CYTH3: variants seen among roughly 807,000 people sequenced by gnomAD.
CYTH3 encodes cytohesin 3, also known as cytohesin-3.
CYTH3 carries 23 observed loss-of-function variants against 55.1 expected under a neutral mutation model. That is an observed-to-expected ratio of 0.42 (90% CI 0.30 to 0.59). The LOEUF (loss-of-function observed/expected upper bound fraction) is 0.59. CYTH3 is among the 20% of genes least tolerant of loss of function. The pLI is 0.20. For missense variants in CYTH3, 413 were observed against 524.8 expected, an observed-to-expected ratio of 0.79 and a Z score of 2.08; for synonymous variants, 249 against 194.9, an observed-to-expected ratio of 1.28 and a Z score of -2.31.
chr7:6,191,123 G>C (rs1285672510), intron 1 of CYTH3, among the ~76,000 whole-genome samples: 1 of 150,574 alleles, frequency 6.6e-6, no homozygotes, highest in Non-Finnish European at 1.5e-5. Flanking sequence ...TATCAATATG[G>C]ATGAGTCTCA....
intron 1 of CYTH3, among the ~76,000 whole-genome samples, chr7:6,263,201 A>T (rs1465837492): frequency 6.6e-6 from 1 of 152,184 alleles, no homozygotes; most frequent in Non-Finnish European, 1.5e-5. Context: ...TAAAATATAT[A>T]TTTTGTCACT....
chr7:6,248,658 GC>G (rs367679137), intron 1 of CYTH3, among the ~76,000 whole-genome samples: 10 of 152,302 alleles, frequency 6.6e-5, no homozygotes, highest in South Asian at 2.1e-4. Flanking sequence ...CACCCCGGCT[GC>G]CCGTGGCCAC....
intron 1 of CYTH3, among the ~76,000 whole-genome samples, chr7:6,259,554 C>T (rs1780223762): frequency 6.7e-6 from 1 of 149,910 alleles, no homozygotes. Flanking sequence ...TGTATTGGCT[C>T]CAGCCAAATT....
intron 1 of CYTH3, among the ~76,000 whole-genome samples, chr7:6,217,190 G>A (rs769432663): frequency 4.6e-5 from 7 of 152,114 alleles, no homozygotes; most frequent in East Asian, 3.9e-4. Context: ...CCAAGATTAC[G>A]GGCATGAACC....
chr7:6,256,635 TAG>T (rs1780132304), intron 1 of CYTH3, among the ~76,000 whole-genome samples: 1 of 152,122 alleles, frequency 6.6e-6, no homozygotes, highest in South Asian at 2.1e-4. Flanking sequence ...GGGAAGGTAA[TAG>T]AGACTTAAAT....
At chr7:6,255,368 A>G (rs1780071269) in intron 1 of CYTH3, among the ~76,000 whole-genome samples, 1 of 152,248 alleles carries the variant, frequency 6.6e-6, no homozygotes, top group African/African-American at 2.4e-5. Flanking sequence ...ATTACCCGAA[A>G]TATCCTCAAT....
chr7:6,251,377 AGG>A (rs1259015115), intron 1 of CYTH3, among the ~76,000 whole-genome samples: 1 of 148,598 alleles, frequency 6.7e-6, no homozygotes, highest in Non-Finnish European at 1.5e-5. Context: ...GGAGAGAAGG[AGG>A]GGAGACATGT....
intron 4 of CYTH3, among the ~76,000 whole-genome samples, chr7:6,179,067 T>C (rs1783413372): frequency 6.6e-6 from 1 of 152,162 alleles, no homozygotes. Context: ...TCACGGTCCA[T>C]CCAGAAATTT....
At chr7:6,259,800 T>TATATA (rs59014238) in intron 1 of CYTH3, among the ~76,000 whole-genome samples, 5 of 25,496 alleles carry the variant, frequency 2.0e-4, no homozygotes, top group African/African-American at 1.4e-3. Flanking sequence ...TATATATATA[T>TATATA]ATATATATAT....
chr7:6,173,608 T>C (rs1292429651), intron 6 of CYTH3, 45 bp downstream of exon 6: 2 of 1,301,422 alleles, frequency 1.5e-6, no homozygotes, highest in East Asian at 4.7e-5. Flanking sequence ...AGTGGTCCTC[T>C]GGCCTTCCCC....
intron 1 of CYTH3, among the ~76,000 whole-genome samples, chr7:6,261,735 T>C (rs1037729272): frequency 6.7e-6 from 1 of 150,146 alleles, no homozygotes; most frequent in African/African-American, 2.4e-5. Context: ...GATATTCCCT[T>C]ACTTTAACTG....
At chr7:6,228,801 T>C (rs1025180616) in intron 1 of CYTH3, among the ~76,000 whole-genome samples, 1 of 152,242 alleles carries the variant, frequency 6.6e-6, no homozygotes, top group Non-Finnish European at 1.5e-5. Flanking sequence ...CCTTTTTAAA[T>C]AGATTTCTTC....
At chr7:6,177,590 CAG>C (rs1783382526) in intron 5 of CYTH3, among the ~76,000 whole-genome samples, 1 of 152,250 alleles carries the variant, frequency 6.6e-6, no homozygotes. Context: ...AACAGGATTC[CAG>C]AGGAGTCCCA....
chr7:6,221,946 T>C (rs1784562986), intron 1 of CYTH3, among the ~76,000 whole-genome samples: 1 of 152,026 alleles, frequency 6.6e-6, no homozygotes, highest in Admixed American at 6.6e-5. Flanking sequence ...AGCAAGACGC[T>C]GTCAAAAAAA....
At chr7:6,235,807 A>C (rs1019424438) in intron 1 of CYTH3, among the ~76,000 whole-genome samples, 1 of 152,154 alleles carries the variant, frequency 6.6e-6, no homozygotes, top group East Asian at 1.9e-4. Context: ...GGAGTTTTCT[A>C]TTCTCTTCCC....
chr7:6,232,440 G>C (rs1288575236), intron 1 of CYTH3, among the ~76,000 whole-genome samples: 1 of 152,144 alleles, frequency 6.6e-6, no homozygotes, highest in African/African-American at 2.4e-5. Context: ...TATCGTGACA[G>C]GTGGACCACA....
At chr7:6,221,365 G>A (rs1452980653) in intron 1 of CYTH3, among the ~76,000 whole-genome samples, 3 of 152,172 alleles carry the variant, frequency 2.0e-5, no homozygotes, top group African/African-American at 7.2e-5. Context: ...ATTTCAAAAT[G>A]ATAACATCTC....
chr7:6,185,425 C>A (rs12672310), intron 4 of CYTH3, among the ~76,000 whole-genome samples: 1 of 151,406 alleles, frequency 6.6e-6, no homozygotes, highest in Admixed American at 6.6e-5. Context: ...GCCGGGTGCA[C>A]TGGGCTCACG....
intron 1 of CYTH3, among the ~76,000 whole-genome samples, chr7:6,257,959 T>C (rs1241036585): frequency 1.3e-5 from 2 of 151,992 alleles, no homozygotes; most frequent in Admixed American, 6.6e-5. Context: ...TTAAGAGCCA[T>C]TGTGAATGCA....
Sources: allele counts gnomAD v4.1 joint callset (sites outside exome capture counted in the v4.1 genomes callset), GRCh38; gene constraint gnomAD v4.1.1; transcripts MANE v1.5; gene names NCBI Gene and HGNC (gene_info 2026-07-23, HGNC 2026-07-21).